Variants in KIF21A observed in about 807,000 individuals in gnomAD.
KIF21A encodes the protein kinesin family member 21A.
In KIF21A, 114 loss-of-function variants were observed where a neutral mutation model predicts 202.9. The observed-to-expected ratio is 0.56, with a 90% CI of 0.48 to 0.66. The LOEUF (loss-of-function observed/expected upper bound fraction) is 0.66. Among genes scored for constraint, KIF21A ranks in the 30% least tolerant of loss-of-function variants. The pLI, the probability that KIF21A is intolerant of heterozygous loss-of-function variation, is 0.00. For missense variants in KIF21A, 1,677 were observed against 1,994.9 expected, an observed-to-expected ratio of 0.84 and a Z score of 3.04; for synonymous variants, 667 against 670.8, an observed-to-expected ratio of 0.99 and a Z score of 0.09.
At position 39,442,907 on chromosome 12, in the gene KIF21A, C is replaced by G; in HGVS notation, c.44+20G>C. On this transcript the variant is annotated intron_variant, in intron 1 of 37. Transcript: ENST00000361418. This position sits in a 1 kb window ranked among gnomAD's most constrained non-coding sequence, Gnocchi z 5.0. ...CCTCAACCCGCCGCCCGCCGCCCGC[C>G]GCCGGCAGACTGTCCTCACCTGACA... 1 of 1,523,874 alleles carries G rather than the reference C, an allele frequency of 6.6e-7. No individual in the cohort carries two copies. Among genetic ancestry groups the G allele is most frequent in the Non-Finnish European group, 8.8e-7 (1 of 1,142,356 alleles). 94.4% of individuals were successfully genotyped at this position (1,523,874 alleles called of 1,614,324 possible). A position where few individuals can be genotyped will look rare whatever the true frequency, so the allele number is the denominator to read the frequency against.
At position 39,367,040 on chromosome 12, in the gene KIF21A, T is replaced by C; in HGVS notation, c.725A>G (p.Gln242Arg). The change falls in exon 5 of 38, where the codon CAA (glutamine) becomes CGA (arginine). Residue 242 changes from glutamine (Q) to arginine (R), a missense_variant. By Grantham distance (43) the Gln-to-Arg change is conservative. This residue lies in a region of KIF21A where 966 missense variants were observed against 1,180.9 expected (regional missense o/e 0.82). Transcript: ENST00000361418. ...IHVCQTRVCP[Q>R]IDADNATDNK... ...GAATTAATAACTCACAGCATCTATT[T>C]GGGGACACACTCTGGTTTGACACAC... 5 of 1,613,576 alleles carry C rather than the reference T, an allele frequency of 3.1e-6. No homozygotes were observed. Among genetic ancestry groups the C allele is most frequent in the Non-Finnish European group, 4.2e-6 (5 of 1,179,502 alleles).
chr12:39,436,119 C>A (rs1938645918), intron 1 of KIF21A, among the ~76,000 whole-genome samples: 1 of 151,918 alleles, frequency 6.6e-6, no homozygotes, highest in Non-Finnish European at 1.5e-5. Flanking sequence ...CAGTGAGCGA[C>A]CTTATCTAAA....
At chr12:39,315,132 A>G in intron 31 of KIF21A, 97 bp downstream of exon 31, 1 of 1,132,714 alleles carries the variant, frequency 8.8e-7, no homozygotes, top group Middle Eastern at 2.0e-4. Flanking sequence ...GATCTGAAGG[A>G]GAGAAAAAAA....
Position 39,320,025 on chromosome 12 carries a change from G to A in KIF21A, c.3672-12C>T, listed in dbSNP as rs555743315. The stretch of plus-strand genomic sequence containing the variant: ...ATGACTGCCTGGAACTAAAGTAAAA[G>A]AAGATTCTTTAATTACCTAATTCTA... On this transcript the variant is annotated splice_polypyrimidine_tract_variant and intron_variant, in intron 27 of 37. Transcript: ENST00000361418. The A allele has an allele frequency of 3.4e-6, 5 of 1,486,468 alleles. No individual in the cohort carries two copies. The South Asian group carries it at 4.6e-5, about 14-fold the overall frequency. The allele number at this position is 1,486,468 out of a possible 1,614,324, so 92.1% of individuals were successfully genotyped here.
In KIF21A at chr12:39,369,928, A is replaced by G. The variant is rs1194222573; in HGVS notation, c.268-17T>C. The G allele has an allele frequency of 6.2e-7, 1 of 1,609,092 alleles. No individual in the cohort carries two copies. The highest frequency in any genetic ancestry group is 8.5e-7 in the Non-Finnish European group (1 of 1,175,786). On this transcript the variant is annotated splice_polypyrimidine_tract_variant and intron_variant, in intron 2 of 37. Coordinates refer to ENST00000361418, the MANE Select transcript of KIF21A (RefSeq NM_001173464.2). ...AGCTCCAGTCTAAACAAAAGAACAGAGAAAGATTAGTGTTCAACCTTAACA... is the reference window on the plus strand; with the variant it reads ...AGCTCCAGTCTAAACAAAAGAACAGGGAAAGATTAGTGTTCAACCTTAACA...
intron 37 of KIF21A, among the ~76,000 whole-genome samples, chr12:39,296,214 G>A (rs535075530): frequency 2.0e-4 from 30 of 151,318 alleles, no homozygotes; most frequent in African/African-American, 6.6e-4. Context: ...GACTACAGGC[G>A]CCCACCACCA....
chr12:39,353,341 G>T (rs1478295923), intron 10 of KIF21A, among the ~76,000 whole-genome samples: 1 of 152,076 alleles, frequency 6.6e-6, no homozygotes, highest in Non-Finnish European at 1.5e-5. Context: ...ATTCTTTAAT[G>T]AAATTGTTTT....
intron 1 of KIF21A, among the ~76,000 whole-genome samples, chr12:39,379,265 T>C (rs1243583839): frequency 6.6e-6 from 1 of 150,964 alleles, no homozygotes; most frequent in Non-Finnish European, 1.5e-5. Context: ...GAGGCAGAGG[T>C]TGCAGTGAGC....
chr12:39,362,081 G>A (rs1042418136), intron 7 of KIF21A, among the ~76,000 whole-genome samples: 1 of 152,008 alleles, frequency 6.6e-6, no homozygotes, highest in Non-Finnish European at 1.5e-5. Flanking sequence ...CCTTCCTCCT[G>A]CTCCAGCCCT....
intron 1 of KIF21A, among the ~76,000 whole-genome samples, chr12:39,372,338 C>A (rs867922688): frequency 1.3e-5 from 2 of 152,082 alleles, no homozygotes; most frequent in South Asian, 4.1e-4. Context: ...TTAATAAAGT[C>A]TTCAGCTTTG....
At chr12:39,389,491 C>A (rs1951191981) in intron 1 of KIF21A, among the ~76,000 whole-genome samples, 1 of 152,182 alleles carries the variant, frequency 6.6e-6, no homozygotes, top group South Asian at 2.1e-4. Context: ...AATTAAAATA[C>A]AGGCTCCCAT....
intron 10 of KIF21A, among the ~76,000 whole-genome samples, chr12:39,353,186 T>A (rs1948527842): frequency 6.6e-6 from 1 of 152,110 alleles, no homozygotes; most frequent in African/African-American, 2.4e-5. Flanking sequence ...AAATTATTCA[T>A]TCTACTCTTG....
intron 29 of KIF21A, among the ~76,000 whole-genome samples, chr12:39,317,450 T>C (rs974200784): frequency 6.6e-6 from 1 of 152,192 alleles, no homozygotes; most frequent in African/African-American, 2.4e-5. Flanking sequence ...TCTGGCTCAA[T>C]GTGTGGATAC....
At chr12:39,377,153 A>G (rs1008431818) in intron 1 of KIF21A, among the ~76,000 whole-genome samples, 3 of 152,108 alleles carry the variant, frequency 2.0e-5, no homozygotes, top group African/African-American at 7.2e-5. Context: ...ACTTACACCT[A>G]TCTGTAACTA....
chr12:39,337,263 A>G (rs1479508472), intron 16 of KIF21A, 60 bp from the exon 17 acceptor site: 6 of 1,041,512 alleles, frequency 5.8e-6, no homozygotes, highest in African/African-American at 1.6e-5. Context: ...CATTAAATCA[A>G]CCACATATAT....
intron 7 of KIF21A, among the ~76,000 whole-genome samples, chr12:39,360,753 T>C (rs747798461): frequency 2.5e-4 from 38 of 152,206 alleles, no homozygotes; most frequent in Non-Finnish European, 4.7e-4. Flanking sequence ...ATTTTTGCCA[T>C]AAACTGGTTA....
At chr12:39,388,750 T>G (rs1951132086) in intron 1 of KIF21A, among the ~76,000 whole-genome samples, 1 of 152,208 alleles carries the variant, frequency 6.6e-6, no homozygotes, top group Non-Finnish European at 1.5e-5. Flanking sequence ...TAGAATGGCT[T>G]TAAAATCCTA....
chr12:39,415,989 T>G (rs1299722447), intron 1 of KIF21A, among the ~76,000 whole-genome samples: 1 of 152,140 alleles, frequency 6.6e-6, no homozygotes, highest in Non-Finnish European at 1.5e-5. Context: ...AACTAACCAG[T>G]AAACGAAGCT....
At chr12:39,315,497 C>T (rs562544465) in intron 30 of KIF21A, among the ~76,000 whole-genome samples, 1 of 151,624 alleles carries the variant, frequency 6.6e-6, no homozygotes, top group East Asian at 1.9e-4. Context: ...TAATAGTATC[C>T]TTTTTTTCTC....
Sources: allele counts gnomAD v4.1 joint callset (sites outside exome capture counted in the v4.1 genomes callset), GRCh38; gene constraint gnomAD v4.1.1; regional missense constraint gnomAD v4.1.1; non-coding constraint Gnocchi (gnomAD v3.1); transcripts MANE v1.5; gene names NCBI Gene and HGNC (gene_info 2026-07-23, HGNC 2026-07-21).